Variants in AFG1L observed in about 807,000 individuals in gnomAD.
The protein encoded by AFG1L is AFG1-like ATPase.
A neutral mutation model predicts 62.2 loss-of-function variants in AFG1L; 53 were observed. The observed-to-expected ratio is 0.85, with a 90% CI of 0.68 to 1.07. The LOEUF is 1.07. Among genes scored for constraint, AFG1L ranks in the 50% least tolerant of loss-of-function variants. The probability of loss-of-function intolerance (pLI) is 0.00; values close to 1 mark genes in which losing one functional copy is unlikely to be tolerated. For missense variants in AFG1L, 555 were observed against 590.5 expected (o/e 0.94, Z 0.62); for synonymous variants, 228 against 210.3 (o/e 1.08, Z -0.73).
chr6:108,346,655 A>G (rs1198689961), intron 2 of AFG1L, among the ~76,000 whole-genome samples: 1 of 152,194 alleles, frequency 6.6e-6, no homozygotes, highest in African/African-American at 2.4e-5. Context: ...GGTGTGAGCC[A>G]CAGCACCTGA....
intron 1 of AFG1L, among the ~76,000 whole-genome samples, chr6:108,304,618 C>G (rs1470333231): frequency 6.6e-6 from 1 of 152,200 alleles, no homozygotes; most frequent in African/African-American, 2.4e-5. Context: ...AAATTTTAAT[C>G]CAGCCCTTTA....
rs551257933 is a variant in AFG1L at position 108,363,868 on chromosome 6, A to G, written c.649-2365A>G. On this transcript the variant is annotated intron_variant, in intron 5 of 12. Coordinates refer to ENST00000368977, the MANE Select transcript of AFG1L (RefSeq NM_145315.5). ...AGGTGCTTATTTTTGTGCTAATCCT[A>G]ATTACTGATAATGCATGCTTATGTT... Among the ~76,000 whole-genome samples the G allele has an allele frequency of 6.4e-4, 97 of 152,292 alleles. 1 individual carries two copies. Among genetic ancestry groups the G allele is most frequent in the Non-Finnish European group, 9.1e-4 (62 of 68,014 alleles).
At chr6:108,430,185 T>C (rs1442678779) in intron 7 of AFG1L, among the ~76,000 whole-genome samples, 1 of 152,130 alleles carries the variant, frequency 6.6e-6, no homozygotes, top group African/African-American at 2.4e-5. Context: ...TGACCTCAAA[T>C]GTTCCACCCG....
intron 1 of AFG1L, among the ~76,000 whole-genome samples, chr6:108,315,443 A>G (rs1158344150): frequency 6.6e-6 from 1 of 152,196 alleles, no homozygotes; most frequent in African/African-American, 2.4e-5. Context: ...TCCCTGGCAC[A>G]GTGCTTCTCA....
chr6:108,491,747 C>T (rs935040039), intron 10 of AFG1L, among the ~76,000 whole-genome samples: 7 of 152,126 alleles, frequency 4.6e-5, no homozygotes, highest in East Asian at 1.9e-4. Context: ...TCCAGCAGCA[C>T]GGGGAGATAT....
intron 7 of AFG1L, among the ~76,000 whole-genome samples, chr6:108,426,070 A>G (rs1232018573): frequency 1.3e-5 from 2 of 152,136 alleles, no homozygotes; most frequent in African/African-American, 4.8e-5. Context: ...GGATACTAAA[A>G]CTCTAAATAA....
At chr6:108,309,541 A>G (rs1051541874) in intron 1 of AFG1L, among the ~76,000 whole-genome samples, 3 of 152,176 alleles carry the variant, frequency 2.0e-5, no homozygotes, top group African/African-American at 7.2e-5. Flanking sequence ...TAAATTTTTA[A>G]TTTCATTTAA....
At position 108,356,926 on chromosome 6, in the gene AFG1L, A is replaced by G. The variant is rs548263349; in HGVS notation, c.648+106A>G. ...ATTGGTTTATAAGGTGATTTGACAC[A>G]TTATCTCTTACTGCTTCAATTTTAC... On this transcript the variant is annotated intron_variant, in intron 5 of 12. Transcript: ENST00000368977. 85 of 963,400 alleles carry G rather than the reference A, an allele frequency of 8.8e-5. No individual in the cohort carries two copies. The African/African-American group carries it at 1.3e-3, about 15-fold the overall frequency. The allele number at this position is 963,400 out of a possible 1,614,324, so 59.7% of individuals were successfully genotyped here.
intron 7 of AFG1L, among the ~76,000 whole-genome samples, chr6:108,438,605 A>T (rs1030240208): frequency 8.6e-5 from 13 of 151,774 alleles, no homozygotes; most frequent in Non-Finnish European, 1.5e-4. Context: ...ATGGGGATTT[A>T]AAAAAAATAT....
chr6:108,364,272 C>T (rs1779664766), intron 5 of AFG1L, among the ~76,000 whole-genome samples: 1 of 152,160 alleles, frequency 6.6e-6, no homozygotes, highest in Non-Finnish European at 1.5e-5. Flanking sequence ...CATTGGCACC[C>T]GGCTACAGCA....
intron 7 of AFG1L, among the ~76,000 whole-genome samples, chr6:108,422,477 C>CAAA (rs539232525): frequency 0.055 from 2,381 of 43,460 alleles, 70 homozygotes; most frequent in Middle Eastern, 0.12. Flanking sequence ...TAGTCCTCAG[C>CAAA]AAAAAAAAAA....
chr6:108,364,640 A>G (rs1460786542), intron 5 of AFG1L, among the ~76,000 whole-genome samples: 1 of 152,196 alleles, frequency 6.6e-6, no homozygotes, highest in Non-Finnish European at 1.5e-5. Context: ...AAAATGTGCA[A>G]GCTCGTTCTG....
intron 7 of AFG1L, among the ~76,000 whole-genome samples, chr6:108,408,945 TTCTC>T (rs1327684877): frequency 3.3e-5 from 5 of 151,304 alleles, no homozygotes; most frequent in African/African-American, 9.8e-5. Context: ...TGTTTCAGCT[TTCTC>T]TCACACATTT....
intron 7 of AFG1L, among the ~76,000 whole-genome samples, chr6:108,407,733 C>T (rs1008312674): frequency 7.3e-5 from 11 of 151,690 alleles, no homozygotes; most frequent in African/African-American, 2.7e-4. Context: ...GGAACCTCAC[C>T]ATCTGTTGTT....
intron 2 of AFG1L, among the ~76,000 whole-genome samples, 172 bp from the exon 3 acceptor site, chr6:108,346,816 T>C (rs1158884530): frequency 1.3e-5 from 2 of 152,234 alleles, no homozygotes; most frequent in African/African-American, 4.8e-5. Flanking sequence ...TTTCCCTTTT[T>C]AAGGCTGCAT....
intron 1 of AFG1L, among the ~76,000 whole-genome samples, chr6:108,299,651 A>G (rs909520409): frequency 3.9e-5 from 6 of 152,172 alleles, no homozygotes; most frequent in African/African-American, 9.7e-5. Context: ...ATATATGTGT[A>G]GGGTGAAAAG....
chr6:108,483,040 A>G (rs1773390320), intron 10 of AFG1L, among the ~76,000 whole-genome samples: 2 of 152,182 alleles, frequency 1.3e-5, no homozygotes, highest in Non-Finnish European at 2.9e-5. Flanking sequence ...TCTTTCAACT[A>G]CATATCCACA....
chr6:108,338,983 A>T (rs1267843399), intron 2 of AFG1L, among the ~76,000 whole-genome samples: 2 of 151,890 alleles, frequency 1.3e-5, no homozygotes, highest in African/African-American at 4.8e-5. Flanking sequence ...CTTTGTTAAT[A>T]CAGTGTCCTC....
chr6:108,395,148 T>G (rs1028997571), intron 6 of AFG1L, among the ~76,000 whole-genome samples: 1 of 152,180 alleles, frequency 6.6e-6, no homozygotes, highest in Non-Finnish European at 1.5e-5. Flanking sequence ...CCCAAAGAGC[T>G]TATGCAAATA....
Sources: allele counts gnomAD v4.1 joint callset (sites outside exome capture counted in the v4.1 genomes callset), GRCh38; gene constraint gnomAD v4.1.1; transcripts MANE v1.5; gene names NCBI Gene and HGNC (gene_info 2026-07-23, HGNC 2026-07-21).